The following SIRPD variants were observed in gnomAD, a reference collection of about 807,000 sequenced individuals.
SIRPD encodes signal regulatory protein delta, also known as signal-regulatory protein delta.
SIRPD carries 21 observed loss-of-function variants against 18.0 expected under a neutral mutation model. That is an observed-to-expected ratio of 1.17 (90% CI 0.83 to 1.68). SIRPD has a LOEUF of 1.68. Ranked by LOEUF, SIRPD falls within the 40% of genes most tolerant of loss-of-function variation. The probability of loss-of-function intolerance (pLI) is 0.00; values close to 1 mark genes in which losing one functional copy is unlikely to be tolerated. For missense variants in SIRPD, 295 were observed against 238.4 expected, an observed-to-expected ratio of 1.24 and a Z score of -1.56; for synonymous variants, 106 against 92.9, an observed-to-expected ratio of 1.14 and a Z score of -0.81.
At position 1,552,025 on chromosome 20, in the gene SIRPD, C is replaced by A. The variant is rs2091021806; in HGVS notation, c.87G>T (p.Val29=). 6.2e-7 allele frequency: 1 copy of A among 1,612,192 alleles called. No homozygotes were observed. The highest frequency in any genetic ancestry group is 8.5e-7 in the Non-Finnish European group (1 of 1,178,600). Residue 29 remains valine, a synonymous_variant, in exon 2 of 4, where the codon GTG becomes GTT. Transcript: ENST00000381623. The part of the protein sequence containing the change: ...LLLELAGVTH[V]FHVQQTEMSQ... Reference sequence around the variant, plus strand: ...ACATCTCCGTTTGTTGCACATGGAACACATGTGTGACTCCTGGAAAAAAGC... The same window carrying A: ...ACATCTCCGTTTGTTGCACATGGAAAACATGTGTGACTCCTGGAAAAAAGC...
intron 1 of SIRPD, among the ~76,000 whole-genome samples, chr20:1,555,916 G>A (rs529661060): frequency 6.6e-6 from 1 of 152,272 alleles, no homozygotes; most frequent in South Asian, 2.1e-4. Flanking sequence ...CTCATCTGGG[G>A]GTTTGACTGG....
chr20:1,552,138 T>C, intron 1 of SIRPD, 100 bp from the exon 2 acceptor site: 3 of 954,094 alleles, frequency 3.1e-6, no homozygotes, highest in Non-Finnish European at 4.7e-6. Flanking sequence ...TTTAATGACA[T>C]GCGCAAATGC....
chr20:1,537,670 G>A (rs866514356), intron 2 of SIRPD, among the ~76,000 whole-genome samples: 1 of 152,058 alleles, frequency 6.6e-6, no homozygotes, highest in African/African-American at 2.4e-5. Flanking sequence ...GAGGGCTCCC[G>A]GGAATGGGGC....
chr20:1,534,770 G>A (rs1476365905), intron 3 of SIRPD, among the ~76,000 whole-genome samples: 1 of 152,200 alleles, frequency 6.6e-6, no homozygotes, highest in African/African-American at 2.4e-5. Flanking sequence ...GTCCATTGCT[G>A]CTGCTTCTGT....
intron 2 of SIRPD, among the ~76,000 whole-genome samples, chr20:1,538,162 A>G (rs2090955655): frequency 6.6e-6 from 1 of 152,122 alleles, no homozygotes; most frequent in Non-Finnish European, 1.5e-5. Context: ...CCTGTGACTC[A>G]GTTTCCCCAC....
intron 2 of SIRPD, among the ~76,000 whole-genome samples, chr20:1,546,862 T>C (rs2090995838): frequency 6.6e-6 from 1 of 152,262 alleles, no homozygotes; most frequent in African/African-American, 2.4e-5. Flanking sequence ...TTGATGTGCT[T>C]ATTGGCAATT....
At chr20:1,541,997 T>C (rs923718322) in intron 2 of SIRPD, among the ~76,000 whole-genome samples, 2 of 152,192 alleles carry the variant, frequency 1.3e-5, no homozygotes, top group African/African-American at 4.8e-5. Flanking sequence ...CATTGGTCTA[T>C]ATATCTGTTT....
intron 2 of SIRPD, among the ~76,000 whole-genome samples, chr20:1,541,293 G>C (rs1013349710): frequency 6.6e-6 from 1 of 152,150 alleles, no homozygotes; most frequent in Non-Finnish European, 1.5e-5. Context: ...ATCCTCTCCA[G>C]TATCTGTTGT....
chr20:1,550,103 T>A (rs1398247649), intron 2 of SIRPD, among the ~76,000 whole-genome samples: 2 of 152,034 alleles, frequency 1.3e-5, no homozygotes, highest in Admixed American at 1.3e-4. Flanking sequence ...CCGAGAAGAG[T>A]CTACCTGGGT....
chr20:1,536,701 A>G (rs1458395632), intron 3 of SIRPD, among the ~76,000 whole-genome samples: 1 of 152,122 alleles, frequency 6.6e-6, no homozygotes, highest in Non-Finnish European at 1.5e-5. Flanking sequence ...TATCTAATCT[A>G]TCTATTAATC....
chr20:1,545,902 T>C (rs935917915), intron 2 of SIRPD, among the ~76,000 whole-genome samples: 1 of 152,216 alleles, frequency 6.6e-6, no homozygotes, highest in African/African-American at 2.4e-5. Flanking sequence ...TGGAGTTTGC[T>C]GGAGGTCCAC....
Position 1,534,438 on chromosome 20 carries a change from A to C in SIRPD, c.581T>G (p.Leu194Trp). ...TCCCTGTTTGGATTATTTTGACAGC[A>C]AGCCTGAAATACAATAAAAATAAAA... ...CCLRLLGLTG[L>W]LSK is the part of the protein sequence containing the mutation. Residue 194 changes from leucine (L) to tryptophan (W), a missense_variant, in exon 4 of 4, where the codon TTG (leucine) becomes TGG (tryptophan). Physicochemically the swap from Leu to Trp is moderately conservative, Grantham distance 61. Transcript: ENST00000381623. 2 of 1,612,204 alleles carry C rather than the reference A, an allele frequency of 1.2e-6. No homozygotes were observed. The highest frequency in any genetic ancestry group is 2.2e-5 in the South Asian group (2 of 90,802).
At chr20:1,539,936 C>T (rs1000194893) in intron 2 of SIRPD, among the ~76,000 whole-genome samples, 1 of 152,126 alleles carries the variant, frequency 6.6e-6, no homozygotes, top group African/African-American at 2.4e-5. Context: ...TTGATTGCAG[C>T]CTTAAAAGAG....
chr20:1,547,337 T>G (rs1436351201), intron 2 of SIRPD, among the ~76,000 whole-genome samples: 1 of 152,218 alleles, frequency 6.6e-6, no homozygotes, highest in African/African-American at 2.4e-5. Context: ...CTGGACTCTC[T>G]CTTTTCCATT....
rs776781423 is a variant in SIRPD, at chr20:1,537,142, T to C, written c.577+13A>G. The C allele has an allele frequency of 5.6e-6, 9 of 1,612,532 alleles. No homozygotes were observed. Among genetic ancestry groups the C allele is most frequent in the Non-Finnish European group, 5.9e-6 (7 of 1,179,090 alleles). Reference sequence around the variant, plus strand: ...ATCCCTGCATCATGGTACCTGAGGGTGGGGGCACTCACCTGTGAGTCCCAG... The same window carrying C: ...ATCCCTGCATCATGGTACCTGAGGGCGGGGGCACTCACCTGTGAGTCCCAG... On this transcript the variant is annotated intron_variant, in intron 3 of 3. Coordinates refer to ENST00000381623, the MANE Select transcript of SIRPD (RefSeq NM_178460.3).
chr20:1,554,615 G>A (rs2091031973), intron 1 of SIRPD, among the ~76,000 whole-genome samples: 1 of 152,010 alleles, frequency 6.6e-6, no homozygotes, highest in African/African-American at 2.4e-5. Flanking sequence ...AATAGAATTT[G>A]GGTCAGATTT....
intron 3 of SIRPD, 128 bp downstream of exon 3, chr20:1,537,027 G>A: frequency 1.0e-6 from 1 of 1,003,754 alleles, no homozygotes; most frequent in East Asian, 2.5e-5. Flanking sequence ...AAAGAGGAAG[G>A]GGTGGCAAAG....
At chr20:1,544,034 G>C (rs2090983042) in intron 2 of SIRPD, among the ~76,000 whole-genome samples, 1 of 152,120 alleles carries the variant, frequency 6.6e-6, no homozygotes, top group East Asian at 1.9e-4. Flanking sequence ...TTCCAATTAT[G>C]TGGTCAGTTT....
intron 2 of SIRPD, among the ~76,000 whole-genome samples, chr20:1,547,443 G>A (rs936325159): frequency 5.3e-5 from 8 of 152,112 alleles, no homozygotes. Flanking sequence ...TATTTTTAGA[G>A]ATGAGATTTC....
Sources: gnomAD v4.1 joint callset for allele counts (sites outside exome capture counted in the v4.1 genomes callset) on GRCh38, gnomAD v4.1.1 for gene constraint, MANE v1.5 for transcripts, NCBI Gene and HGNC (gene_info 2026-07-23, HGNC 2026-07-21) for gene names.